The following ST3GAL2 variants were observed in gnomAD, a reference collection of about 807,000 sequenced individuals.
The protein encoded by ST3GAL2 is ST3 beta-galactoside alpha-2,3-sialyltransferase 2.
A neutral mutation model predicts 37.5 loss-of-function variants in ST3GAL2; 16 were observed. The observed-to-expected ratio is 0.43, with a 90% CI of 0.29 to 0.65. The LOEUF (loss-of-function observed/expected upper bound fraction) is 0.65. Ranked by LOEUF, ST3GAL2 falls within the 30% of genes least tolerant of loss-of-function variation. The pLI is 0.17. For synonymous variants in ST3GAL2, 238 were observed against 202.9 expected, an observed-to-expected ratio of 1.17 and a Z score of -1.47; for missense variants, 383 against 487.8, an observed-to-expected ratio of 0.79 and a Z score of 2.02.
At chr16:70,393,479 C>T (rs930856018) in intron 3 of ST3GAL2, among the ~76,000 whole-genome samples, 2 of 152,202 alleles carry the variant, frequency 1.3e-5, no homozygotes, top group Non-Finnish European at 2.9e-5. Flanking sequence ...AGCTTCCTGA[C>T]CATCACTGAG....
chr16:70,431,759 C>T (rs1370596170), intron 1 of ST3GAL2, among the ~76,000 whole-genome samples: 2 of 151,564 alleles, frequency 1.3e-5, no homozygotes, highest in East Asian at 1.9e-4. Flanking sequence ...GTCATGAGAT[C>T]GAGACCATCC....
In ST3GAL2 at chr16:70,395,194, G is replaced by T; in HGVS notation, c.340-19C>A. On this transcript the variant is annotated intron_variant, in intron 2 of 6. Transcript: ENST00000342907. ...GCAGCATCTGTGGAAGGGAGGGGAA[G>T]ATGGGAAACGAGGAAGGGGAGAGGT... 3 of 1,587,260 alleles carry T rather than the reference G, an allele frequency of 1.9e-6. No individual in the cohort carries two copies. The highest frequency in any genetic ancestry group is 2.6e-6 in the Non-Finnish European group (3 of 1,164,866).
intron 1 of ST3GAL2, among the ~76,000 whole-genome samples, chr16:70,431,787 C>T (rs1597578354): frequency 6.6e-6 from 1 of 151,772 alleles, no homozygotes; most frequent in East Asian, 1.9e-4. Flanking sequence ...TACAGTGAAA[C>T]CCCGTCTCTA....
intron 1 of ST3GAL2, among the ~76,000 whole-genome samples, chr16:70,426,595 T>C (rs2047753518): frequency 6.6e-6 from 1 of 150,596 alleles, no homozygotes; most frequent in African/African-American, 2.5e-5. Context: ...CACCACAACC[T>C]CTGCCTCCCG....
In ST3GAL2 at chr16:70,395,018, T is replaced by C. The variant is rs1454966595; in HGVS notation, c.497A>G (p.Tyr166Cys). 2 of 1,613,828 alleles carry C rather than the reference T, an allele frequency of 1.2e-6. No individual in the cohort carries two copies. Among genetic ancestry groups the C allele is most frequent in the Admixed American group, 1.7e-5 (1 of 59,996 alleles). ...GTTGTGCCCGTCCACGTCCTGCCCA[T>C]AGCCAGAGCCCCGCAGGTTGCCCGA... ...GNSGNLRGSG[Y>C]GQDVDGHNFI... Residue 166 changes from tyrosine (Y) to cysteine (C), a missense_variant, in exon 3 of 7, where the codon TAT (tyrosine) becomes TGT (cysteine). Around this residue, in one of 2 missense-constraint regions of ST3GAL2, gnomAD observed 223 missense variants for 239.1 expected, o/e 0.93. Transcript: ENST00000342907.
At chr16:70,392,428 C>A (rs1227598976) in intron 3 of ST3GAL2, among the ~76,000 whole-genome samples, 1 of 152,214 alleles carries the variant, frequency 6.6e-6, no homozygotes, top group Non-Finnish European at 1.5e-5. Context: ...AAGAAGTATT[C>A]AGGGACAGGG....
chr16:70,401,631 G>A (rs996963310), intron 1 of ST3GAL2, among the ~76,000 whole-genome samples: 6 of 152,222 alleles, frequency 3.9e-5, no homozygotes, highest in African/African-American at 1.4e-4. Flanking sequence ...TGCCCACCAC[G>A]TCATGGGCTT....
intron 1 of ST3GAL2, among the ~76,000 whole-genome samples, chr16:70,434,241 A>T (rs1374071470): frequency 6.6e-6 from 1 of 152,162 alleles, no homozygotes; most frequent in Admixed American, 6.5e-5. Context: ...GTTCGAGACC[A>T]GCCTGGCCAA....
chr16:70,431,896 A>G (rs1011229676), intron 1 of ST3GAL2, among the ~76,000 whole-genome samples: 2 of 151,948 alleles, frequency 1.3e-5, no homozygotes, highest in African/African-American at 2.4e-5. Context: ...CCCAGGAGGC[A>G]GAGCTTGCAG....
In ST3GAL2 at chr16:70,383,171, G is replaced by A. The variant is rs770483647; in HGVS notation, c.759+19C>T. 4.3e-6 allele frequency: 7 copies of A among 1,612,684 alleles called. No homozygotes were observed. In the East Asian group the frequency reaches 6.7e-5, roughly 15 times the overall value. ...CCAGCACTGTTTCCACTGAGGTGGGGAAGAAGTGGGGAGCTTACCTTTTCT... is the reference window on the plus strand; with the variant it reads ...CCAGCACTGTTTCCACTGAGGTGGGAAAGAAGTGGGGAGCTTACCTTTTCT... On this transcript the variant is annotated intron_variant, in intron 5 of 6. Transcript: ENST00000342907.
intron 4 of ST3GAL2, among the ~76,000 whole-genome samples, chr16:70,384,473 G>A (rs930043203): frequency 1.7e-4 from 26 of 150,734 alleles, no homozygotes; most frequent in African/African-American, 6.3e-4. Flanking sequence ...TTGGGAGGCC[G>A]AGGGGGCCAG....
At chr16:70,398,087 A>G in intron 2 of ST3GAL2, 105 bp downstream of exon 2, 1 of 1,227,670 alleles carries the variant, frequency 8.1e-7, no homozygotes, top group South Asian at 1.5e-5. Flanking sequence ...TGGCTTGGTC[A>G]AACAGGCATT....
intron 1 of ST3GAL2, among the ~76,000 whole-genome samples, chr16:70,414,237 A>G (rs1204929975): frequency 2.2e-4 from 33 of 152,222 alleles, no homozygotes. Context: ...ATAGAACTCT[A>G]GCCAACACAA....
rs774172848 is a variant in ST3GAL2 at position 70,380,181 on chromosome 16, G to C, written c.*1508C>G. 6.6e-6 allele frequency: 1 copy of C among 152,056 alleles called. No homozygotes were observed. The highest frequency in any genetic ancestry group is 1.5e-5 in the Non-Finnish European group (1 of 68,050). The allele number at this position is 152,056 out of a possible 1,614,324, so 9.4% of individuals were successfully genotyped here. A position where few individuals can be genotyped will look rare whatever the true frequency, so the allele number is the denominator to read the frequency against. ...CCTATTTTTACTCTTTCTACTTTCG[G>C]AATTGGAAAGAACGACACTCGAGCT... On this transcript the variant is annotated 3_prime_UTR_variant, in exon 7 of 7. Transcript: ENST00000342907.
Position 70,399,156 on chromosome 16 carries a change from A to G in ST3GAL2, c.-626T>C. On this transcript the variant is annotated 5_prime_UTR_variant, in exon 2 of 7. Coordinates refer to ENST00000342907, the MANE Select transcript of ST3GAL2 (RefSeq NM_006927.4). Reference sequence around the variant, plus strand: ...CAGGAAGCTCTGTGAGTGTGGGAAAACTCCGCTGCAGAGATCGAGATCCTT... The same window carrying G: ...CAGGAAGCTCTGTGAGTGTGGGAAAGCTCCGCTGCAGAGATCGAGATCCTT... 5.0e-6 allele frequency: 2 copies of G among 399,062 alleles called. No homozygotes were observed. The highest frequency in any genetic ancestry group is 8.8e-6 in the Non-Finnish European group (2 of 226,590). 24.7% of individuals were successfully genotyped at this position (399,062 alleles called of 1,614,324 possible). A position where few individuals can be genotyped will look rare whatever the true frequency, so the allele number is the denominator to read the frequency against.
At chr16:70,394,942 G>A (rs1380474182) in intron 3 of ST3GAL2, 40 bp downstream of exon 3, 1 of 1,593,294 alleles carries the variant, frequency 6.3e-7, no homozygotes, top group Non-Finnish European at 8.5e-7. Context: ...CTTCCCGGAG[G>A]CCCATCCTGA....
intron 3 of ST3GAL2, among the ~76,000 whole-genome samples, chr16:70,392,516 G>A (rs907825371): frequency 1.3e-5 from 2 of 152,214 alleles, no homozygotes; most frequent in Admixed American, 6.5e-5. Context: ...ATGTATCTGC[G>A]GCGTGCCTAC....
intron 1 of ST3GAL2, among the ~76,000 whole-genome samples, chr16:70,429,763 T>C (rs1426154710): frequency 1.4e-5 from 2 of 147,732 alleles, no homozygotes; most frequent in East Asian, 4.3e-4. Context: ...TGCCTCAGCC[T>C]CCCCAGTAGC....
intron 1 of ST3GAL2, among the ~76,000 whole-genome samples, chr16:70,409,711 G>C (rs1229934123): frequency 6.6e-6 from 1 of 151,678 alleles, no homozygotes; most frequent in African/African-American, 2.4e-5. Context: ...CGCAATCACA[G>C]TTGACTGTAG....
Sources: gnomAD v4.1 joint callset for allele counts (sites outside exome capture counted in the v4.1 genomes callset) on GRCh38, gnomAD v4.1.1 for gene constraint, gnomAD v4.1.1 regional missense constraint, MANE v1.5 for transcripts, NCBI Gene and HGNC (gene_info 2026-07-23, HGNC 2026-07-21) for gene names.